Variants in GABARAPL2 observed in about 807,000 individuals in gnomAD.
GABARAPL2 encodes GABA type A receptor associated protein like 2, also known as gamma-aminobutyric acid receptor-associated protein-like 2.
Under a neutral mutation model 16.9 loss-of-function variants are expected in GABARAPL2, and 11 were observed. The ratio of observed to expected loss-of-function variants is 0.65; its 90% CI spans 0.41 to 1.08. The LOEUF (loss-of-function observed/expected upper bound fraction) is 1.08, where lower values mean the gene tolerates loss of function less well. Ranked by LOEUF, GABARAPL2 falls within the 50% of genes least tolerant of loss-of-function variation. The pLI is 0.00. For synonymous variants in GABARAPL2, 57 were observed against 50.7 expected, an observed-to-expected ratio of 1.12 and a Z score of -0.53; for missense variants, 134 against 142.5, an observed-to-expected ratio of 0.94 and a Z score of 0.30.
chr16:75,566,679 C>G, intron 1 of GABARAPL2, 159 bp downstream of exon 1: 1 of 963,362 alleles, frequency 1.0e-6, no homozygotes, highest in Non-Finnish European at 1.6e-6. Context: ...CCCCCTGACC[C>G]CATGTCACCC....
chr16:75,573,205 G>A (rs1811315125), intron 3 of GABARAPL2, among the ~76,000 whole-genome samples: 2 of 152,134 alleles, frequency 1.3e-5, no homozygotes, highest in Admixed American at 1.3e-4. Context: ...TGCTAGCAAG[G>A]GTCACATTTT....
At chr16:75,568,625 A>C (rs923648137) in intron 3 of GABARAPL2, among the ~76,000 whole-genome samples, 3 of 152,148 alleles carry the variant, frequency 2.0e-5, no homozygotes, top group African/African-American at 7.2e-5. Flanking sequence ...TTGCTCCCAA[A>C]CTTGGTCAAC....
At position 75,577,409 on chromosome 16, in the gene GABARAPL2, A is replaced by G; in HGVS notation, c.*40A>G. On this transcript the variant is annotated 3_prime_UTR_variant, in exon 4 of 4. Coordinates refer to ENST00000037243, the MANE Select transcript of GABARAPL2 (RefSeq NM_007285.7). ...CTAGGTGCACCGTAACTGCTTGTGT[A>G]TCTTGTAAATAGCCAGCCATTTTCA... 8.5e-7 allele frequency: 1 copy of G among 1,169,996 alleles called. No homozygotes were observed. Among genetic ancestry groups the G allele is most frequent in the Non-Finnish European group, 1.3e-6 (1 of 774,424 alleles). 72.5% of individuals were successfully genotyped at this position (1,169,996 alleles called of 1,614,324 possible).
rs1216266113 is a variant in GABARAPL2 at position 75,566,460 on chromosome 16, C to T, written c.-27C>T. 8.2e-6 allele frequency: 13 copies of T among 1,578,664 alleles called. No individual in the cohort carries two copies. In the East Asian group the frequency reaches 9.3e-5, roughly 11 times the overall value. ...CGCTGAGCTCCGCGGCTCCGCGAGC[C>T]GGTTCCGTCCCCTTCCCGCCGCCGC... On this transcript the variant is annotated 5_prime_UTR_variant, in exon 1 of 4. Transcript: ENST00000037243.
chr16:75,568,278 AC>A, intron 3 of GABARAPL2, 69 bp downstream of exon 3: 1 of 1,154,948 alleles, frequency 8.7e-7, no homozygotes, highest in South Asian at 1.5e-5. Context: ...GAACTCCAAA[AC>A]TTTGGAAGTC....
chr16:75,572,331 T>G (rs2080920151), intron 3 of GABARAPL2: 1 of 152,226 alleles, frequency 6.6e-6, no homozygotes, highest in Non-Finnish European at 1.5e-5. Context: ...GGAGAAGAGA[T>G]AATCCAAGGT....
In GABARAPL2 at chr16:75,566,388, C is replaced by G. The variant is rs547604261; in HGVS notation, c.-99C>G. 5 of 887,040 alleles carry G rather than the reference C, an allele frequency of 5.6e-6. No homozygotes were observed. The highest frequency in any genetic ancestry group is 1.4e-5 in the South Asian group (1 of 69,522). The allele number at this position is 887,040 out of a possible 1,614,324, so 54.9% of individuals were successfully genotyped here. A position where few individuals can be genotyped will look rare whatever the true frequency, so the allele number is the denominator to read the frequency against. ...GTCCCGCCTGCCGTGTAGTCGCCGC[C>G]GTCGCTGCCGCTGCCGCTGCCGCCG... On this transcript the variant is annotated 5_prime_UTR_variant, in exon 1 of 4. Transcript: ENST00000037243.
chr16:75,571,737 C>T (rs1472026472), intron 3 of GABARAPL2, among the ~76,000 whole-genome samples: 3 of 150,480 alleles, frequency 2.0e-5, no homozygotes, highest in Non-Finnish European at 4.4e-5. Context: ...CAGGCAGTGG[C>T]GCGATCTCAG....
intron 3 of GABARAPL2, among the ~76,000 whole-genome samples, chr16:75,575,187 C>T (rs2080940495): frequency 1.3e-5 from 2 of 152,106 alleles, no homozygotes; most frequent in Non-Finnish European, 2.9e-5. Flanking sequence ...TACCCACTGC[C>T]CCCTAAGTCT....
At chr16:75,567,373 G>A (rs948743706) in intron 2 of GABARAPL2, among the ~76,000 whole-genome samples, 1 of 152,162 alleles carries the variant, frequency 6.6e-6, no homozygotes, top group African/African-American at 2.4e-5. Flanking sequence ...GTGAAAAGCC[G>A]CTGAAAACCC....
chr16:75,570,642 G>A (rs2080909141), intron 3 of GABARAPL2, among the ~76,000 whole-genome samples: 1 of 152,224 alleles, frequency 6.6e-6, no homozygotes, highest in Admixed American at 6.5e-5. Context: ...CTGCCTTGGA[G>A]TGGAAAACAG....
At chr16:75,566,549 T>TG (rs1426241967) in intron 1 of GABARAPL2, 29 bp downstream of exon 1, 3 of 1,604,920 alleles carry the variant, frequency 1.9e-6, no homozygotes, top group Non-Finnish European at 2.5e-6. Context: ...GCCCGGCTGC[T>TG]GGGGGCTGGG....
At chr16:75,568,621 C>T (rs900126013) in intron 3 of GABARAPL2, among the ~76,000 whole-genome samples, 2 of 152,214 alleles carry the variant, frequency 1.3e-5, no homozygotes, top group South Asian at 4.1e-4. Flanking sequence ...TTGCTTGCTC[C>T]CAAACTTGGT....
intron 1 of GABARAPL2, 61 bp from the exon 2 acceptor site, chr16:75,566,791 G>A (rs1048075364): frequency 1.4e-5 from 20 of 1,469,026 alleles, no homozygotes; most frequent in African/African-American, 4.2e-5. Flanking sequence ...GAGGAGGGCC[G>A]GGGGCCGGGA....
At chr16:75,566,620 G>C (rs867034055) in intron 1 of GABARAPL2, 100 bp downstream of exon 1, 1 of 1,361,208 alleles carries the variant, frequency 7.3e-7, no homozygotes, top group Non-Finnish European at 1.0e-6. Flanking sequence ...CGGGGCGGAT[G>C]CCCTGCTGCG....
intron 3 of GABARAPL2, among the ~76,000 whole-genome samples, chr16:75,571,133 G>A (rs2080911726): frequency 6.6e-6 from 1 of 152,182 alleles, no homozygotes; most frequent in Non-Finnish European, 1.5e-5. Context: ...TGGCTGGAGT[G>A]CAGTGGCACA....
In GABARAPL2 at chr16:75,577,227, C is replaced by G. The variant is rs2080954765; in HGVS notation, c.264-52C>G. On this transcript the variant is annotated intron_variant, in intron 3 of 3. Coordinates refer to ENST00000037243, the MANE Select transcript of GABARAPL2 (RefSeq NM_007285.7). ...CCTGTCCTCAGGCCATCCTTTTTCT[C>G]CTGAAACCTGGACTCCAATTTTCAA... The G allele has an allele frequency of 3.5e-6, 4 of 1,134,800 alleles. No homozygotes were observed. The South Asian group carries it at 3.7e-5, about 10-fold the overall frequency. The allele number at this position is 1,134,800 out of a possible 1,614,324, so 70.3% of individuals were successfully genotyped here. A position where few individuals can be genotyped will look rare whatever the true frequency, so the allele number is the denominator to read the frequency against.
chr16:75,576,267 A>C (rs1417111134), intron 3 of GABARAPL2: 1 of 152,208 alleles, frequency 6.6e-6, no homozygotes, highest in African/African-American at 2.4e-5. Flanking sequence ...AAAAAAACTC[A>C]AAACCTCCCC....
At chr16:75,575,827 C>G (rs1003468752) in intron 3 of GABARAPL2, 2 of 152,168 alleles carry the variant, frequency 1.3e-5, no homozygotes, top group African/African-American at 2.4e-5. Context: ...CTCAGGTGAT[C>G]CACTTAATAT....
Sources: gnomAD v4.1 joint callset for allele counts (sites outside exome capture counted in the v4.1 genomes callset) on GRCh38, gnomAD v4.1.1 for gene constraint, MANE v1.5 for transcripts, NCBI Gene and HGNC (gene_info 2026-07-23, HGNC 2026-07-21) for gene names.